The following SCN11A variants were observed in gnomAD, a reference collection of about 807,000 sequenced individuals.
SCN11A encodes the protein sodium voltage-gated channel alpha subunit 11, also known as sodium channel protein type 11 subunit alpha.
SCN11A carries 122 observed loss-of-function variants against 162.2 expected under a neutral mutation model. The ratio of observed to expected loss-of-function variants is 0.75; its 90% confidence interval spans 0.65 to 0.87. The LOEUF (loss-of-function observed/expected upper bound fraction) is 0.87, where lower values mean the gene tolerates loss of function less well. Among genes scored for constraint, SCN11A ranks in the 40% least tolerant of loss-of-function variants. The pLI is 0.00. For synonymous variants in SCN11A, 758 were observed against 751.5 expected, an observed-to-expected ratio of 1.01 and a Z score of -0.14; for missense variants, 2,015 against 2,181.6, an observed-to-expected ratio of 0.92 and a Z score of 1.52.
rs1254436380 is a variant in SCN11A at position 38,964,872 on chromosome 3, G to A, written c.-279-4449C>T. Among the ~76,000 whole-genome samples the A allele has an allele frequency of 2.0e-5, 3 of 152,234 alleles. No homozygotes were observed. The East Asian group carries it at 5.8e-4, about 29-fold the overall frequency. On this transcript the variant is annotated intron_variant, in intron 2 of 29. Transcript: ENST00000302328. ...AGGCATGATACTGGCACCGTCTCAA[G>A]CTCTCGATTACTTTAGGCATAACCA...
At chr3:38,961,221 T>C (rs984021803) in intron 2 of SCN11A, among the ~76,000 whole-genome samples, 17 of 152,210 alleles carry the variant, frequency 1.1e-4, no homozygotes, top group African/African-American at 3.9e-4. Flanking sequence ...ACTTCTCAGC[T>C]GCATGTTATT....
chr3:38,944,454 G>A (rs1358442453), intron 7 of SCN11A, among the ~76,000 whole-genome samples: 1 of 151,556 alleles, frequency 6.6e-6, no homozygotes, highest in Non-Finnish European at 1.5e-5. Flanking sequence ...AGCCTCCCGA[G>A]TAGCTGGGAC....
intron 7 of SCN11A, among the ~76,000 whole-genome samples, chr3:38,943,919 G>C (rs1003848788): frequency 6.6e-6 from 1 of 152,140 alleles, no homozygotes; most frequent in Non-Finnish European, 1.5e-5. Flanking sequence ...TGACTATTTA[G>C]TTAATAATAA....
At chr3:38,854,745 A>G (rs1575209551) in intron 28 of SCN11A, among the ~76,000 whole-genome samples, 1 of 152,378 alleles carries the variant, frequency 6.6e-6, no homozygotes, top group African/African-American at 2.4e-5. Flanking sequence ...GCAGATCACG[A>G]GAGAAGGTTG....
At chr3:38,887,903 T>C (rs555063442) in intron 19 of SCN11A, among the ~76,000 whole-genome samples, 1 of 152,300 alleles carries the variant, frequency 6.6e-6, no homozygotes, top group Admixed American at 6.5e-5. Context: ...ATAGCATATG[T>C]AAAAATACAC....
chr3:39,023,894 TG>T (rs2031516002), intron 2 of SCN11A, among the ~76,000 whole-genome samples: 1 of 152,104 alleles, frequency 6.6e-6, no homozygotes, highest in African/African-American at 2.4e-5. Flanking sequence ...CTGCCCGCCT[TG>T]GCCTCCCAAA....
At chr3:38,892,585 T>G (rs1247520169) in intron 19 of SCN11A, among the ~76,000 whole-genome samples, 3 of 152,118 alleles carry the variant, frequency 2.0e-5, no homozygotes, top group Non-Finnish European at 4.4e-5. Flanking sequence ...TTTATTAAAA[T>G]AAATCTTATA....
chr3:39,000,284 G>A (rs184609796), intron 2 of SCN11A, among the ~76,000 whole-genome samples: 5 of 152,244 alleles, frequency 3.3e-5, no homozygotes, highest in East Asian at 3.9e-4. Context: ...GAGTCTGTTC[G>A]GAAGTCTTTG....
chr3:38,878,737 G>C (rs1053182511), intron 23 of SCN11A, among the ~76,000 whole-genome samples: 4 of 151,952 alleles, frequency 2.6e-5, no homozygotes, highest in African/African-American at 9.7e-5. Flanking sequence ...TAGTAATGTG[G>C]TAGATGTCAT....
intron 1 of SCN11A, among the ~76,000 whole-genome samples, chr3:39,038,682 C>A (rs2031966303): frequency 6.6e-6 from 1 of 152,212 alleles, no homozygotes; most frequent in Admixed American, 6.5e-5. Context: ...ATCACCAAGT[C>A]TAGTTGGTGG....
At position 38,937,108 on chromosome 3, in the gene SCN11A, A is replaced by G. The variant is rs1484388953; in HGVS notation, c.488+8303T>C. Among the ~76,000 whole-genome samples, 118 of 152,254 alleles carry G rather than the reference A, an allele frequency of 7.8e-4. No homozygotes were observed. In the South Asian group the frequency reaches 0.024, roughly 31 times the overall value. On this transcript the variant is annotated intron_variant, in intron 7 of 29. Transcript: ENST00000302328. ...CTGATCTTTGACAAACCTGACAAAA[A>G]CAAGCAATGGGGAAAGGATTCTCTA...
At position 39,051,888 on chromosome 3, in the gene SCN11A, CA is replaced by C; in HGVS notation, c.-432del. The stretch of plus-strand genomic sequence containing the variant: ...CATCACATGGCTACCGGCCACACAG[CA>C]ACTAACAGCACCGAGGAAACACAAC... On this transcript the variant is annotated 5_prime_UTR_variant, in exon 1 of 30. Coordinates refer to ENST00000302328, the MANE Select transcript of SCN11A (RefSeq NM_001349253.2). The C allele has an allele frequency of 2.0e-6, 2 of 1,020,084 alleles. No individual in the cohort carries two copies. Among genetic ancestry groups the C allele is most frequent in the Non-Finnish European group, 3.0e-6 (2 of 676,632 alleles). 63.2% of individuals were successfully genotyped at this position (1,020,084 alleles called of 1,614,324 possible).
chr3:38,946,996 AT>A, intron 5 of SCN11A, 89 bp from the exon 6 acceptor site: 1 of 762,366 alleles, frequency 1.3e-6, no homozygotes, highest in Non-Finnish European at 2.2e-6. Flanking sequence ...TCATGAATTC[AT>A]TTAGAGAAAA....
At chr3:38,964,611 C>G (rs72855773) in intron 2 of SCN11A, among the ~76,000 whole-genome samples, 1 of 152,106 alleles carries the variant, frequency 6.6e-6, no homozygotes, top group East Asian at 1.9e-4. Context: ...TAGAGGATGA[C>G]TAAGAACTCA....
At chr3:39,045,188 G>A (rs556735917) in intron 1 of SCN11A, among the ~76,000 whole-genome samples, 39 of 152,192 alleles carry the variant, frequency 2.6e-4, no homozygotes, top group African/African-American at 8.2e-4. Flanking sequence ...CTAGGACCAT[G>A]GCTTCAATGC....
At chr3:38,986,735 T>C (rs1286167348) in intron 2 of SCN11A, among the ~76,000 whole-genome samples, 1 of 151,992 alleles carries the variant, frequency 6.6e-6, no homozygotes, top group African/African-American at 2.4e-5. Context: ...CAAGGAGGCA[T>C]TGAAATATGG....
chr3:38,905,349 T>C, intron 14 of SCN11A, 28 bp from the exon 15 acceptor site: 1 of 1,602,776 alleles, frequency 6.2e-7, no homozygotes, highest in Non-Finnish European at 8.5e-7. Context: ...GGGCACCTTC[T>C]AAAGACAGGG....
At chr3:39,018,733 G>A (rs1459575297) in intron 2 of SCN11A, among the ~76,000 whole-genome samples, 1 of 152,102 alleles carries the variant, frequency 6.6e-6, no homozygotes, top group Non-Finnish European at 1.5e-5. Flanking sequence ...CAGGAGAACG[G>A]CGTGAACCCG....
chr3:38,895,974 T>G (rs975460642), intron 18 of SCN11A, among the ~76,000 whole-genome samples: 1 of 152,180 alleles, frequency 6.6e-6, no homozygotes, highest in Non-Finnish European at 1.5e-5. Context: ...ATCCTGAAGA[T>G]CTTGTGCAGT....
Sources: allele counts gnomAD v4.1 joint callset (sites outside exome capture counted in the v4.1 genomes callset), GRCh38; gene constraint gnomAD v4.1.1; transcripts MANE v1.5; gene names NCBI Gene and HGNC (gene_info 2026-07-23, HGNC 2026-07-21).